Variants in APPBP2 observed in about 807,000 individuals in gnomAD.
APPBP2 encodes amyloid beta precursor protein binding protein 2.
Under a neutral mutation model 76.0 loss-of-function variants are expected in APPBP2, and 15 were observed. That is an observed-to-expected ratio of 0.20 (90% CI 0.13 to 0.30). APPBP2 has a LOEUF of 0.30. APPBP2 is among the 10% of genes least tolerant of loss of function. The pLI is 1.00. For synonymous variants in APPBP2, 222 were observed against 242.2 expected (o/e 0.92, Z 0.77); for missense variants, 401 against 687.2 (o/e 0.58, Z 4.66).
intron 3 of APPBP2, among the ~76,000 whole-genome samples, chr17:60,487,217 A>T (rs1321480594): frequency 6.6e-6 from 1 of 151,932 alleles, no homozygotes; most frequent in Non-Finnish European, 1.5e-5. Flanking sequence ...TGTTCTCTGT[A>T]TTTCCTGAAT....
intron 3 of APPBP2, among the ~76,000 whole-genome samples, chr17:60,491,254 T>C (rs1032662687): frequency 3.9e-5 from 6 of 152,140 alleles, no homozygotes; most frequent in African/African-American, 1.4e-4. Context: ...ACTCTTGCTA[T>C]ATTTTAGCCA....
At chr17:60,518,378 TG>T (rs1705065011) in intron 1 of APPBP2, among the ~76,000 whole-genome samples, 1 of 131,768 alleles carries the variant, frequency 7.6e-6, no homozygotes, top group Non-Finnish European at 1.6e-5. Context: ...TGTGTGTGTG[TG>T]TGTGTGTGTG....
chr17:60,525,084 C>A (rs1398280228), intron 1 of APPBP2, among the ~76,000 whole-genome samples: 3 of 152,172 alleles, frequency 2.0e-5, no homozygotes, highest in Non-Finnish European at 4.4e-5. Flanking sequence ...AAGATTGCAA[C>A]TTTCAAACAC....
chr17:60,492,429 A>C (rs2090737478), intron 3 of APPBP2, among the ~76,000 whole-genome samples: 1 of 152,194 alleles, frequency 6.6e-6, no homozygotes, highest in Non-Finnish European at 1.5e-5. Context: ...CGTGTGCCTG[A>C]AAAAACCACA....
At chr17:60,470,932 A>C (rs1326645670) in intron 4 of APPBP2, among the ~76,000 whole-genome samples, 1 of 151,732 alleles carries the variant, frequency 6.6e-6, no homozygotes, top group Admixed American at 6.6e-5. Flanking sequence ...CTGGGATTAC[A>C]GGTGTGCACC....
At chr17:60,475,671 A>ACACG (rs2143368051) in intron 4 of APPBP2, among the ~76,000 whole-genome samples, 1 of 151,358 alleles carries the variant, frequency 6.6e-6, no homozygotes, top group African/African-American at 2.4e-5. Context: ...ACACACACAC[A>ACACG]CACACACACA....
chr17:60,479,291 C>A lies in APPBP2; in HGVS notation c.380-20G>T. 6.3e-7 allele frequency: 1 copy of A among 1,582,802 alleles called. No individual in the cohort carries two copies. Among genetic ancestry groups the A allele is most frequent in the South Asian group, 1.2e-5 (1 of 84,916 alleles). ...AGCCACCTAAAAAAATAAGAAACACCAATTTTAGAAAACTTGATAAATAGC... is the reference window on the plus strand; with the variant it reads ...AGCCACCTAAAAAAATAAGAAACACAAATTTTAGAAAACTTGATAAATAGC... On this transcript the variant is annotated intron_variant, in intron 3 of 12. Transcript: ENST00000083182.
chr17:60,474,392 T>G (rs540271350), intron 4 of APPBP2, among the ~76,000 whole-genome samples: 2 of 152,088 alleles, frequency 1.3e-5, no homozygotes, highest in Non-Finnish European at 2.9e-5. Flanking sequence ...CAGGCTGGTC[T>G]TGAACTCCTG....
At position 60,462,075 on chromosome 17, in the gene APPBP2, G is replaced by A; in HGVS notation, c.763-14C>T. On this transcript the variant is annotated splice_polypyrimidine_tract_variant and intron_variant, in intron 6 of 12. Transcript: ENST00000083182. ...TACTACACAAGCCTAAAGATAAAGT[G>A]AAAAATGGTTAACTCTCAAACAGTT... is the stretch of plus-strand genomic sequence containing the variant. 1 of 1,602,170 alleles carries A rather than the reference G, an allele frequency of 6.2e-7. No individual in the cohort carries two copies. Among genetic ancestry groups the A allele is most frequent in the Non-Finnish European group, 8.5e-7 (1 of 1,169,664 alleles).
intron 1 of APPBP2, among the ~76,000 whole-genome samples, chr17:60,507,230 T>C (rs2090875686): frequency 6.6e-6 from 1 of 151,668 alleles, no homozygotes; most frequent in African/African-American, 2.4e-5. Flanking sequence ...TTTTTTCTTT[T>C]TTTTTTTTTG....
chr17:60,453,606 C>G (rs1208486996), intron 11 of APPBP2, among the ~76,000 whole-genome samples: 4 of 147,432 alleles, frequency 2.7e-5, no homozygotes, highest in Non-Finnish European at 5.9e-5. Context: ...GTGGTGTGAT[C>G]AGAGCTCACT....
intron 1 of APPBP2, among the ~76,000 whole-genome samples, chr17:60,510,598 C>T (rs919128100): frequency 1.3e-5 from 2 of 151,592 alleles, no homozygotes; most frequent in Non-Finnish European, 2.9e-5. Flanking sequence ...TGGCGTGTGC[C>T]CCAGGTACTT....
intron 9 of APPBP2, chr17:60,459,409 C>A (rs1175940640): frequency 6.6e-6 from 1 of 151,848 alleles, no homozygotes; most frequent in Non-Finnish European, 1.5e-5. Context: ...AACTGTGACA[C>A]CAAGCTCAGA....
Position 60,505,688 on chromosome 17 carries a change from T to TG in APPBP2, c.139-5202_139-5201insC, listed in dbSNP as rs1421156070. On this transcript the variant is annotated intron_variant, in intron 1 of 12. Transcript: ENST00000083182. ...CCTGACCCCTGCGGTTTTTTTTTTT[T>TG]TTTTTTTTTTTTTTTGAGATGGAGT... is the stretch of plus-strand genomic sequence containing the variant. Among the ~76,000 whole-genome samples, 666 of 137,790 alleles carry TG rather than the reference T, an allele frequency of 4.8e-3. 10 individuals carry two copies. Among genetic ancestry groups the TG allele is most frequent in the African/African-American group, 0.019 (640 of 33,036 alleles). The allele number at this position is 137,790 out of a possible 152,430, so 90.4% of individuals were successfully genotyped here.
At chr17:60,469,244 T>G (rs758627529) in intron 4 of APPBP2, among the ~76,000 whole-genome samples, 17 of 148,708 alleles carry the variant, frequency 1.1e-4, no homozygotes, top group Non-Finnish European at 1.9e-4. Context: ...AAGAATCGCT[T>G]GAACCCAGGA....
At position 60,493,011 on chromosome 17, in the gene APPBP2, G is replaced by A. The variant is rs2090742651; in HGVS notation, c.379+1455C>T. Among the ~76,000 whole-genome samples the A allele has an allele frequency of 2.6e-5, 4 of 152,166 alleles. No homozygotes were observed. In the South Asian group the frequency reaches 6.2e-4, roughly 24 times the overall value. On this transcript the variant is annotated intron_variant, in intron 3 of 12. Transcript: ENST00000083182. ...CCTGGTGAAAGATAACTGAATCATAGGGCCGGTTCCCCAACACTGTTTTCA... is the reference window on the plus strand; with the variant it reads ...CCTGGTGAAAGATAACTGAATCATAAGGCCGGTTCCCCAACACTGTTTTCA...
chr17:60,524,027 T>A (rs73330249), intron 1 of APPBP2, among the ~76,000 whole-genome samples: 12,518 of 152,228 alleles, frequency 0.082, 1,708 homozygotes, highest in African/African-American at 0.28. Context: ...CTTAGCACAG[T>A]GCCATACTCC....
chr17:60,467,960 T>C (rs560381494), intron 4 of APPBP2, among the ~76,000 whole-genome samples: 17 of 152,204 alleles, frequency 1.1e-4, no homozygotes, highest in Admixed American at 4.6e-4. Context: ...TAAGCAAGAT[T>C]TTATAGCACC....
intron 4 of APPBP2, among the ~76,000 whole-genome samples, chr17:60,466,687 CTAAA>C (rs2090513869): frequency 6.6e-6 from 1 of 151,906 alleles, no homozygotes; most frequent in Non-Finnish European, 1.5e-5. Flanking sequence ...GATTCCTTCT[CTAAA>C]TATTTTATAT....
Sources: gnomAD v4.1 joint callset for allele counts (sites outside exome capture counted in the v4.1 genomes callset) on GRCh38, gnomAD v4.1.1 for gene constraint, MANE v1.5 for transcripts, NCBI Gene and HGNC (gene_info 2026-07-23, HGNC 2026-07-21) for gene names.